The following ATP2B1 variants were observed in gnomAD, a reference collection of about 807,000 sequenced individuals.
The protein encoded by ATP2B1 is plasma membrane calcium-transporting ATPase 1.
In ATP2B1, 14 loss-of-function variants were observed where a neutral mutation model predicts 124.2. The observed-to-expected ratio is 0.11, with a 90% CI of 0.07 to 0.18. The LOEUF is 0.18. Among genes scored for constraint, ATP2B1 ranks in the 10% least tolerant of loss-of-function variants. ATP2B1 has a pLI of 1.00. For missense variants in ATP2B1, 763 were observed against 1,466.1 expected, an observed-to-expected ratio of 0.52 and a Z score of 7.83; for synonymous variants, 449 against 492.4, an observed-to-expected ratio of 0.91 and a Z score of 1.17.
At chr12:89,643,028 C>A (rs1288949280) in intron 2 of ATP2B1, among the ~76,000 whole-genome samples, 1 of 150,334 alleles carries the variant, frequency 6.7e-6, no homozygotes. Flanking sequence ...GAGGATATTG[C>A]CCCCACAAAA....
intron 12 of ATP2B1, among the ~76,000 whole-genome samples, chr12:89,613,346 AT>A (rs1565818855): frequency 6.6e-6 from 1 of 152,166 alleles, no homozygotes; most frequent in South Asian, 2.1e-4. Flanking sequence ...ATATTTATCT[AT>A]AAGTTTTAAG....
chr12:89,591,334 T>C (rs1370422707), intron 20 of ATP2B1, 39 bp from the exon 21 acceptor site: 1 of 1,524,520 alleles, frequency 6.6e-7, no homozygotes, highest in African/African-American at 1.4e-5. Context: ...GTCAGTACAC[T>C]ATTAACAACT....
At chr12:89,707,737 A>C (rs1892649633) in intron 1 of ATP2B1, among the ~76,000 whole-genome samples, 1 of 152,014 alleles carries the variant, frequency 6.6e-6, no homozygotes, top group East Asian at 1.9e-4. Flanking sequence ...CCCGCAGAAA[A>C]CTGGTGAATG....
chr12:89,593,201 AT>A (rs1487236678), intron 20 of ATP2B1: 1 of 152,094 alleles, frequency 6.6e-6, no homozygotes, highest in Non-Finnish European at 1.5e-5. Flanking sequence ...AAGTCTTAAA[AT>A]TCACATTTTA....
intron 2 of ATP2B1, 42 bp downstream of exon 2, chr12:89,655,637 C>G (rs369957237): frequency 1.9e-6 from 3 of 1,562,204 alleles, no homozygotes; most frequent in African/African-American, 1.4e-5. Flanking sequence ...ATATATAGAA[C>G]TCTTTGCACA....
intron 1 of ATP2B1, among the ~76,000 whole-genome samples, chr12:89,674,788 A>C (rs1888414457): frequency 6.6e-6 from 1 of 152,098 alleles, no homozygotes; most frequent in Non-Finnish European, 1.5e-5. Context: ...GCTCCTCAGC[A>C]CTCTGCCTTT....
At chr12:89,598,039 CAAAAA>C (rs10661138) in intron 20 of ATP2B1, among the ~76,000 whole-genome samples, 1 of 60,526 alleles carries the variant, frequency 1.7e-5, no homozygotes, top group Non-Finnish European at 2.8e-5. Flanking sequence ...CACAACCAAG[CAAAAA>C]AAAAAAAAAA....
intron 8 of ATP2B1, among the ~76,000 whole-genome samples, chr12:89,625,584 C>CAAAAAA (rs10560749): frequency 3.7e-5 from 3 of 81,602 alleles, no homozygotes; most frequent in African/African-American, 1.5e-4. Context: ...GACCCTGTCT[C>CAAAAAA]AAAAAAAAAA....
At position 89,619,942 on chromosome 12, in the gene ATP2B1, ATAC is replaced by A. The variant is rs1592759923; in HGVS notation, c.1829+54_1829+56del. On this transcript the variant is annotated intron_variant, in intron 11 of 20. Transcript: ENST00000428670. ...GACAACAACAATAACAACACAGTAGATACTCCATAAAGCAACTATAGTCAGCAA... is the reference window on the plus strand; with the variant it reads ...GACAACAACAATAACAACACAGTAGATCCATAAAGCAACTATAGTCAGCAA... The A allele has an allele frequency of 5.7e-5, 91 of 1,590,372 alleles. No homozygotes were observed. The East Asian group carries it at 2.0e-3, about 35-fold the overall frequency.
intron 1 of ATP2B1, among the ~76,000 whole-genome samples, chr12:89,667,897 C>T (rs565720796): frequency 2.6e-5 from 4 of 152,264 alleles, no homozygotes; most frequent in African/African-American, 7.2e-5. Flanking sequence ...TTCTAAAATT[C>T]ATATGGAACC....
intron 8 of ATP2B1, among the ~76,000 whole-genome samples, chr12:89,624,907 A>G (rs1880585807): frequency 6.6e-6 from 1 of 152,222 alleles, no homozygotes. Flanking sequence ...TTACTGTTTC[A>G]TTAACTTAGT....
At chr12:89,686,882 T>C (rs980516202) in intron 1 of ATP2B1, among the ~76,000 whole-genome samples, 3 of 152,064 alleles carry the variant, frequency 2.0e-5, no homozygotes, top group African/African-American at 7.2e-5. Flanking sequence ...TAAAAATATA[T>C]AGATCCTGTC....
At chr12:89,602,591 T>C (rs921587389) in intron 18 of ATP2B1, among the ~76,000 whole-genome samples, 5 of 152,148 alleles carry the variant, frequency 3.3e-5, no homozygotes, top group Admixed American at 6.5e-5. Flanking sequence ...TGGATTTTAG[T>C]AGAGATATAA....
intron 1 of ATP2B1, among the ~76,000 whole-genome samples, chr12:89,677,902 A>C (rs1888804652): frequency 6.7e-6 from 1 of 149,870 alleles, no homozygotes; most frequent in Non-Finnish European, 1.5e-5. Flanking sequence ...ATGACATTTT[A>C]CAAATACTAA....
intron 1 of ATP2B1, among the ~76,000 whole-genome samples, chr12:89,672,493 T>G (rs1410391847): frequency 6.6e-6 from 1 of 152,078 alleles, no homozygotes; most frequent in Non-Finnish European, 1.5e-5. Context: ...AAAAAGAAAC[T>G]GGGCCCTCTG....
chr12:89,634,610 G>A (rs1056674405), intron 5 of ATP2B1, among the ~76,000 whole-genome samples, 168 bp downstream of exon 5: 1 of 152,084 alleles, frequency 6.6e-6, no homozygotes, highest in Admixed American at 6.6e-5. Flanking sequence ...GTTTTCTAAT[G>A]TTTTTGTCAG....
chr12:89,606,199 C>A (rs910053930), intron 15 of ATP2B1, among the ~76,000 whole-genome samples: 1 of 152,096 alleles, frequency 6.6e-6, no homozygotes, highest in South Asian at 2.1e-4. Flanking sequence ...AAGGTATATG[C>A]GGTGAATGTG....
At chr12:89,598,438 C>G (rs559884063) in intron 20 of ATP2B1, 1 of 828,472 alleles carries the variant, frequency 1.2e-6, no homozygotes, top group East Asian at 3.1e-5. Context: ...AAAACAACAA[C>G]GACAACACTT....
At chr12:89,705,275 A>ACTATTAGT (rs1408171318) in intron 1 of ATP2B1, among the ~76,000 whole-genome samples, 7 of 152,098 alleles carry the variant, frequency 4.6e-5, no homozygotes, top group African/African-American at 1.7e-4. Flanking sequence ...CAAATAAGCT[A>ACTATTAGT]CTATTAGTAC....
Sources: allele counts gnomAD v4.1 joint callset (sites outside exome capture counted in the v4.1 genomes callset), GRCh38; gene constraint gnomAD v4.1.1; transcripts MANE v1.5; gene names NCBI Gene and HGNC (gene_info 2026-07-23, HGNC 2026-07-21).